Variants in TEX15 observed in about 807,000 individuals in gnomAD.
TEX15 encodes testis expressed 15, meiosis and synapsis associated.
TEX15 carries 171 observed loss-of-function variants against 237.3 expected under a neutral mutation model. The ratio of observed to expected loss-of-function variants is 0.72; its 90% CI spans 0.64 to 0.82. The LOEUF (loss-of-function observed/expected upper bound fraction) is 0.82. Among genes scored for constraint, TEX15 ranks in the 40% least tolerant of loss-of-function variants. TEX15 has a pLI of 0.00. For missense variants in TEX15, 3,750 were observed against 3,646.5 expected (o/e 1.03, Z -0.73); for synonymous variants, 1,338 against 1,269.8 (o/e 1.05, Z -1.14).
At chr8:30,888,678 T>C in intron 2 of TEX15, 3 of 1,286,740 alleles carry the variant, frequency 2.3e-6, no homozygotes, top group African/African-American at 1.5e-5. Flanking sequence ...ACCTATCAAC[T>C]GCTTAGTTCC....
intron 1 of TEX15, among the ~76,000 whole-genome samples, chr8:30,902,137 TA>T (rs924374724): frequency 1.3e-5 from 2 of 152,144 alleles, no homozygotes; most frequent in African/African-American, 4.8e-5. Flanking sequence ...GATTCTGATG[TA>T]AGATAAGTTT....
chr8:30,880,124 G>A (rs1386858619), intron 3 of TEX15, among the ~76,000 whole-genome samples: 1 of 152,070 alleles, frequency 6.6e-6, no homozygotes, highest in Non-Finnish European at 1.5e-5. Context: ...CCCCTCCTGG[G>A]TTCAAGGGAT....
chr8:30,910,146 A>G (rs1199915814), intron 1 of TEX15, among the ~76,000 whole-genome samples: 1 of 151,574 alleles, frequency 6.6e-6, no homozygotes, highest in Non-Finnish European at 1.5e-5. Flanking sequence ...TTTGTAATCC[A>G]GTACAGTATA....
chr8:30,848,965 G>C lies in TEX15; in HGVS notation c.1202C>G (p.Thr401Arg). The change falls in exon 8 of 11, where the codon ACA becomes AGA. Residue 401 changes from threonine to arginine, a missense_variant. Transcript: ENST00000643185. ...SVNGDLLLNWTSLKNILSGLN... is the reference protein window; with the variant it reads ...SVNGDLLLNWRSLKNILSGLN... The stretch of plus-strand genomic sequence containing the variant: ...ACCACTTAAAATATTTTTAAGACTT[G>C]TCCAATTTAACAAAAGGTCACCATT... The C allele has an allele frequency of 6.2e-7, 1 of 1,614,120 alleles. No individual in the cohort carries two copies. The highest frequency in any genetic ancestry group is 1.6e-4 in the Middle Eastern group (1 of 6,062).
intron 3 of TEX15, among the ~76,000 whole-genome samples, chr8:30,883,255 C>T (rs1460648556): frequency 1.3e-5 from 2 of 152,180 alleles, no homozygotes; most frequent in East Asian, 1.9e-4. Context: ...TGAATTTAGA[C>T]GGTTTAAGTG....
intron 7 of TEX15, among the ~76,000 whole-genome samples, chr8:30,855,674 A>G (rs1807893463): frequency 2.0e-5 from 3 of 152,236 alleles, no homozygotes; most frequent in South Asian, 2.1e-4. Context: ...GTAATTGTCA[A>G]AAGATGGAAA....
At chr8:30,873,844 G>C (rs1025760215) in intron 4 of TEX15, among the ~76,000 whole-genome samples, 1 of 151,972 alleles carries the variant, frequency 6.6e-6, no homozygotes, top group East Asian at 1.9e-4. Context: ...TGTCTAATTG[G>C]GCAAATAGCT....
chr8:30,834,487 T>C (rs1298063237), intron 10 of TEX15, among the ~76,000 whole-genome samples: 1 of 152,206 alleles, frequency 6.6e-6, no homozygotes, highest in Non-Finnish European at 1.5e-5. Context: ...TCCCCTCTTT[T>C]ATCGTTTTCC....
chr8:30,912,979 G>C lies in TEX15; in HGVS notation c.-186C>G, dbSNP rs922544480. ...CCCTGGAAGCCTCAGGAACACAGCA[G>C]CACCCCCCAGCGAGGTGCGCACAGT... On this transcript the variant is annotated 5_prime_UTR_variant, in exon 1 of 11. Transcript: ENST00000643185. The C allele has an allele frequency of 6.6e-6, 1 of 152,436 alleles. No individual in the cohort carries two copies. The highest frequency in any genetic ancestry group is 6.5e-5 in the Admixed American group (1 of 15,276). 9.4% of individuals were successfully genotyped at this position (152,436 alleles called of 1,614,324 possible). A position where few individuals can be genotyped will look rare whatever the true frequency, so the allele number is the denominator to read the frequency against.
Position 30,845,129 on chromosome 8 carries a change from G to C in TEX15, c.5038C>G (p.Leu1680Val), listed in dbSNP as rs563849443. Residue 1680 changes from leucine to valine, a missense_variant, in exon 8 of 11, where the codon CTG becomes GTG. Physicochemically the swap from Leu to Val is conservative, Grantham distance 32 (BLOSUM62 1). Transcript: ENST00000643185. ...NLILSDCKRN[L>V]EVKWTDPIER... ...ATAGGATCTGTCCACTTTACTTCCA[G>C]GTTTCTTTTACAATCAGATAAAATA... The C allele has an allele frequency of 5.0e-6, 8 of 1,613,300 alleles. No individual in the cohort carries two copies. The African/African-American group carries it at 9.3e-5, about 19-fold the overall frequency.
At chr8:30,906,267 G>A (rs1809101602) in intron 1 of TEX15, among the ~76,000 whole-genome samples, 1 of 152,142 alleles carries the variant, frequency 6.6e-6, no homozygotes, top group African/African-American at 2.4e-5. Flanking sequence ...GACCTGGGAA[G>A]TCTTTGTTTC....
At chr8:30,860,716 AT>A (rs1222660844) in intron 5 of TEX15, among the ~76,000 whole-genome samples, 1 of 151,826 alleles carries the variant, frequency 6.6e-6, no homozygotes, top group Non-Finnish European at 1.5e-5. Flanking sequence ...TGCCCAGCTA[AT>A]TTTTGTATTT....
chr8:30,842,708 G>C lies in TEX15; in HGVS notation c.7459C>G (p.Gln2487Glu), dbSNP rs773218994. The C allele has an allele frequency of 8.1e-6, 13 of 1,613,180 alleles. No homozygotes were observed. The South Asian group carries it at 1.3e-4, about 16-fold the overall frequency. Residue 2487 changes from glutamine to glutamate, a missense_variant, in exon 8 of 11, where the codon CAG becomes GAG. Gln to Glu is a conservative substitution (Grantham distance 29, BLOSUM62 2). Coordinates refer to ENST00000643185, the MANE Select transcript of TEX15 (RefSeq NM_001350162.2). ...FDLSLLPELV[Q>E]CQEKMASFSF... is the part of the protein sequence containing the mutation. ...AAAGAAGCCATTTTTTCTTGGCACT[G>C]AACCAGCTCAGGAAGAAGTGACAAA...
chr8:30,847,173 A>G lies in TEX15; in HGVS notation c.2994T>C (p.Asn998=). The stretch of plus-strand genomic sequence containing the variant: ...ACTGGTATATCTGGTGATCGTCATT[A>G]TTTAGGCTTAATGCAGGCATAGTAG... ...ASATMPALSL[N]NDDHQIYQFK... The change falls in exon 8 of 11, where the codon AAT becomes AAC. Residue 998 remains asparagine (N), a synonymous_variant. Coordinates refer to ENST00000643185, the MANE Select transcript of TEX15 (RefSeq NM_001350162.2). 6.2e-7 allele frequency: 1 copy of G among 1,613,988 alleles called. No individual in the cohort carries two copies. The highest frequency in any genetic ancestry group is 8.5e-7 in the Non-Finnish European group (1 of 1,179,868).
At chr8:30,907,207 T>C (rs1809120694) in intron 1 of TEX15, among the ~76,000 whole-genome samples, 1 of 152,128 alleles carries the variant, frequency 6.6e-6, no homozygotes, top group East Asian at 1.9e-4. Flanking sequence ...AGTGCAGTGG[T>C]GCAATCATGG....
intron 4 of TEX15, among the ~76,000 whole-genome samples, chr8:30,872,034 G>A (rs1808301515): frequency 6.6e-6 from 1 of 152,074 alleles, no homozygotes; most frequent in Non-Finnish European, 1.5e-5. Flanking sequence ...AATTCCAAAG[G>A]CTAGTAACTA....
chr8:30,857,020 C>T (rs547238967), intron 7 of TEX15, among the ~76,000 whole-genome samples: 243 of 152,224 alleles, frequency 1.6e-3, no homozygotes, highest in African/African-American at 5.4e-3. Flanking sequence ...TTTTTTCTCT[C>T]TCATACAAAG....
At chr8:30,895,675 G>GTTTTTTTT (rs1563276129) in intron 2 of TEX15, among the ~76,000 whole-genome samples, 1 of 76,970 alleles carries the variant, frequency 1.3e-5, no homozygotes, top group African/African-American at 1.0e-4. Context: ...TTAAACACAT[G>GTTTTTTTT]CTTTTTTTTT....
chr8:30,907,896 TC>T (rs975529637), intron 1 of TEX15, among the ~76,000 whole-genome samples: 1 of 150,796 alleles, frequency 6.6e-6, no homozygotes, highest in African/African-American at 2.4e-5. Context: ...CGTGATCACA[TC>T]ACTGCACTCC....
Sources: gnomAD v4.1 joint callset for allele counts (sites outside exome capture counted in the v4.1 genomes callset) on GRCh38, gnomAD v4.1.1 for gene constraint, MANE v1.5 for transcripts, NCBI Gene and HGNC (gene_info 2026-07-23, HGNC 2026-07-21) for gene names.